The following HLX variants were observed in gnomAD, a reference collection of about 807,000 sequenced individuals.
HLX encodes H2.0-like homeobox protein.
Under a neutral mutation model 27.7 loss-of-function variants are expected in HLX, and 6 were observed. The observed-to-expected ratio is 0.22, with a 90% CI of 0.12 to 0.43. The LOEUF is 0.43. Ranked by LOEUF, HLX falls within the 20% of genes least tolerant of loss-of-function variation. HLX has a pLI of 1.00. For synonymous variants in HLX, 328 were observed against 293.8 expected (o/e 1.12, Z -1.19); for missense variants, 666 against 655.2 (o/e 1.02, Z -0.18).
At chr1:220,881,618 G>C in intron 2 of HLX, 2 of 580,126 alleles carry the variant, frequency 3.4e-6, no homozygotes, top group South Asian at 4.0e-5. Context: ...GGTGGGGTGG[G>C]GGGCTTTCTC....
chr1:220,884,620 G>A lies in HLX; in HGVS notation c.1383G>A (p.Ser461=), dbSNP rs759423699. 16 of 1,609,066 alleles carry A rather than the reference G, an allele frequency of 9.9e-6. No homozygotes were observed. Among genetic ancestry groups the A allele is most frequent in the Admixed American group, 3.3e-5 (2 of 59,722 alleles). ...CASSLGGGGA[S]ELLPATQPTA... ...GCAGCCTTGGCGGCGGCGGCGCCTC[G>A]GAGCTTCTCCCTGCAACACAGCCCA... The change falls in exon 4 of 4, where the codon TCG becomes TCA. Residue 461 remains serine (S), a synonymous_variant. Coordinates refer to ENST00000366903, the MANE Select transcript of HLX (RefSeq NM_021958.4). This position sits in a 1 kb window ranked among gnomAD's most constrained non-coding sequence, Gnocchi z 4.9.
chr1:220,882,074 C>A, intron 2 of HLX, 90 bp from the exon 3 acceptor site: 2 of 1,212,186 alleles, frequency 1.6e-6, no homozygotes, highest in Non-Finnish European at 2.5e-6. Context: ...CAGTTTCAAG[C>A]CTTACGGGGA....
intron 3 of HLX, chr1:220,882,602 G>T (rs970875521): frequency 1.9e-6 from 1 of 520,910 alleles, no homozygotes; most frequent in African/African-American, 1.9e-5. Flanking sequence ...GTTTATTTTG[G>T]CCAACAGGCT....
chr1:220,882,465 C>A, intron 3 of HLX, 117 bp downstream of exon 3: 2 of 901,232 alleles, frequency 2.2e-6, no homozygotes, highest in Non-Finnish European at 3.5e-6. Flanking sequence ...AACGCAAGAT[C>A]TTGACTTTCA....
At position 220,882,197 on chromosome 1, in the gene HLX, C is replaced by G; in HGVS notation, c.806C>G (p.Pro269Arg). ...PYAVLTKDTM[P>R]QTYKRKRSWS... Reference sequence around the variant, plus strand: ...GCTGTGCTCACGAAGGACACCATGCCGCAGACGTACAAAAGGAAGCGTTCA... The same window carrying G: ...GCTGTGCTCACGAAGGACACCATGCGGCAGACGTACAAAAGGAAGCGTTCA... Residue 269 changes from proline to arginine, a missense_variant, in exon 3 of 4, where the codon CCG becomes CGG. Coordinates refer to ENST00000366903, the MANE Select transcript of HLX (RefSeq NM_021958.4). 3 of 1,614,212 alleles carry G rather than the reference C, an allele frequency of 1.9e-6. No homozygotes were observed. The highest frequency in any genetic ancestry group is 2.5e-6 in the Non-Finnish European group (3 of 1,180,042).
rs1674387596 is a variant in HLX, at chr1:220,880,008, C to T, written c.151C>T (p.His51Tyr). ...KPSFCIADIL[H>Y]AGVGDLGAAP... ...CTCCTTCTGCATCGCAGACATTCTG[C>T]ACGCCGGCGTGGGGGATCTGGGGGC... Residue 51 changes from histidine (H) to tyrosine (Y), a missense_variant, in exon 1 of 4, where the codon CAC (histidine) becomes TAC (tyrosine). Transcript: ENST00000366903. The T allele has an allele frequency of 1.3e-6, 2 of 1,596,100 alleles. No individual in the cohort carries two copies. Among genetic ancestry groups the T allele is most frequent in the East Asian group, 4.5e-5 (2 of 44,744 alleles).
intron 1 of HLX, chr1:220,880,702 G>A: frequency 1.7e-6 from 1 of 581,020 alleles, no homozygotes; most frequent in Non-Finnish European, 3.1e-6. Flanking sequence ...AAAGTGGTTG[G>A]TGTAATTATC....
rs536726177 is a variant in HLX at position 220,880,038 on chromosome 1, C to T, written c.181C>T (p.Pro61Ser). The T allele has an allele frequency of 5.7e-6, 9 of 1,592,806 alleles. No homozygotes were observed. Among genetic ancestry groups the T allele is most frequent in the Non-Finnish European group, 7.7e-6 (9 of 1,175,288 alleles). Residue 61 changes from proline to serine, a missense_variant, in exon 1 of 4, where the codon CCG becomes TCG. Physicochemically the swap from Pro to Ser is moderately conservative, Grantham distance 74. Coordinates refer to ENST00000366903, the MANE Select transcript of HLX (RefSeq NM_021958.4). ...CGGCGTGGGGGATCTGGGGGCGGCC[C>T]CGGAGGGCCTGGCAGGGGCCTCGGC... ...HAGVGDLGAA[P>S]EGLAGASAAA...
Position 220,879,824 on chromosome 1 carries a change from G to T in HLX, c.-34G>T. 6.5e-7 allele frequency: 1 copy of T among 1,541,788 alleles called. No individual in the cohort carries two copies. The highest frequency in any genetic ancestry group is 1.2e-5 in the South Asian group (1 of 84,936). On this transcript the variant is annotated 5_prime_UTR_variant, in exon 1 of 4. Coordinates refer to ENST00000366903, the MANE Select transcript of HLX (RefSeq NM_021958.4). ...GCGCGCCCACCCACCCAGTCCGGCT[G>T]GACTGCGGCAGCCGCGCGGCTCACC...
At position 220,884,552 on chromosome 1, in the gene HLX, G is replaced by T. The variant is rs752628182; in HGVS notation, c.1315G>T (p.Ala439Ser). 2 of 1,608,480 alleles carry T rather than the reference G, an allele frequency of 1.2e-6. No individual in the cohort carries two copies. The highest frequency in any genetic ancestry group is 1.7e-4 in the Middle Eastern group (1 of 6,056). ...GGGNSFSFSS[A>S]SSLSSSSTSA... ...CGGCAATAGTTTCAGCTTCAGCAGCGCCAGCAGTCTTAGTAGCAGCAGCAC... is the reference window on the plus strand; with the variant it reads ...CGGCAATAGTTTCAGCTTCAGCAGCTCCAGCAGTCTTAGTAGCAGCAGCAC... Residue 439 changes from alanine to serine, a missense_variant, in exon 4 of 4, where the codon GCC (alanine) becomes TCC (serine). Physicochemically the swap from Ala to Ser is moderately conservative, Grantham distance 99 (BLOSUM62 1). Transcript: ENST00000366903. This position sits in a 1 kb window ranked among gnomAD's most constrained non-coding sequence, Gnocchi z 4.9.
At chr1:220,880,797 T>A (rs1236462849) in intron 1 of HLX, 8 of 403,770 alleles carry the variant, frequency 2.0e-5, no homozygotes, top group Non-Finnish European at 3.5e-5. Context: ...TGGGAAACAC[T>A]TTCGCACTTA....
intron 1 of HLX, 52 bp downstream of exon 1, chr1:220,880,501 G>A (rs758028135): frequency 1.2e-6 from 2 of 1,602,452 alleles, no homozygotes; most frequent in Non-Finnish European, 1.7e-6. Flanking sequence ...CCACTCCCCG[G>A]ACCCCGGGCT....
rs750772961 is a variant in HLX at position 220,880,003 on chromosome 1, T to C, written c.146T>C (p.Ile49Thr). Residue 49 changes from isoleucine to threonine, a missense_variant, in exon 1 of 4, where the codon ATT becomes ACT. By Grantham distance (89) the Ile-to-Thr change is moderately conservative. Coordinates refer to ENST00000366903, the MANE Select transcript of HLX (RefSeq NM_021958.4). ...AAGCCCTCCTTCTGCATCGCAGACA[T>C]TCTGCACGCCGGCGTGGGGGATCTG... ...VKKPSFCIAD[I>T]LHAGVGDLGA... 2.5e-6 allele frequency: 4 copies of C among 1,597,434 alleles called. No homozygotes were observed. The South Asian group carries it at 4.4e-5, about 18-fold the overall frequency.
chr1:220,884,937 C>A lies in HLX; in HGVS notation c.*233C>A. On this transcript the variant is annotated 3_prime_UTR_variant, in exon 4 of 4. Coordinates refer to ENST00000366903, the MANE Select transcript of HLX (RefSeq NM_021958.4). This position sits in a 1 kb window ranked among gnomAD's most constrained non-coding sequence, Gnocchi z 4.9. ...CCAGCCGAACACTTCTCTCCGGAAG[C>A]AGGCTGGTTCGACTGTGAGGTGTTT... The A allele has an allele frequency of 3.1e-6, 2 of 655,394 alleles. No homozygotes were observed. The highest frequency in any genetic ancestry group is 2.5e-6 in the Non-Finnish European group (1 of 394,252). The allele number at this position is 655,394 out of a possible 1,614,324, so 40.6% of individuals were successfully genotyped here.
At position 220,880,059 on chromosome 1, in the gene HLX, T is replaced by C; in HGVS notation, c.202T>C (p.Ser68Pro). ...GGCCCCGGAGGGCCTGGCAGGGGCCTCGGCCGCCGCCCTCACCGCGCACTT... is the reference window on the plus strand; with the variant it reads ...GGCCCCGGAGGGCCTGGCAGGGGCCCCGGCCGCCGCCCTCACCGCGCACTT... Reference protein sequence around the residue: ...GAAPEGLAGASAAALTAHLGS... With the variant: ...GAAPEGLAGAPAAALTAHLGS... Residue 68 changes from serine (S) to proline (P), a missense_variant, in exon 1 of 4, where the codon TCG becomes CCG. Coordinates refer to ENST00000366903, the MANE Select transcript of HLX (RefSeq NM_021958.4). 4 of 1,588,504 alleles carry C rather than the reference T, an allele frequency of 2.5e-6. No individual in the cohort carries two copies. The highest frequency in any genetic ancestry group is 3.4e-6 in the Non-Finnish European group (4 of 1,172,320).
In HLX at chr1:220,880,055, G is replaced by A. The variant is rs1449017622; in HGVS notation, c.198G>A (p.Gly66=). 6.3e-7 allele frequency: 1 copy of A among 1,588,012 alleles called. No individual in the cohort carries two copies. The highest frequency in any genetic ancestry group is 1.3e-5 in the African/African-American group (1 of 74,426). Residue 66 remains glycine, a synonymous_variant, in exon 1 of 4, where the codon GGG becomes GGA. Transcript: ENST00000366903. ...GGGCGGCCCCGGAGGGCCTGGCAGG[G>A]GCCTCGGCCGCCGCCCTCACCGCGC... ...DLGAAPEGLA[G]ASAAALTAHL... is the part of the protein sequence containing the mutation.
At chr1:220,881,641 C>T (rs1185506943) in intron 2 of HLX, 4 of 547,312 alleles carry the variant, frequency 7.3e-6, no homozygotes, top group South Asian at 2.0e-5. Context: ...AGTCTTTTCG[C>T]CCCAGAGGGC....
chr1:220,882,631 C>T (rs1289940927), intron 3 of HLX: 1 of 451,774 alleles, frequency 2.2e-6, no homozygotes, highest in African/African-American at 2.0e-5. Context: ...ACGGAGAAAG[C>T]AAAAGGGCCG....
In HLX at chr1:220,884,701, A is replaced by G. The variant is rs1376714091; in HGVS notation, c.1464A>G (p.Leu488=). 6.2e-7 allele frequency: 1 copy of G among 1,609,114 alleles called. No homozygotes were observed. The highest frequency in any genetic ancestry group is 8.5e-7 in the Non-Finnish European group (1 of 1,179,552). Residue 488 remains leucine (L), a synonymous_variant, in exon 4 of 4, where the codon TTA becomes TTG. Transcript: ENST00000366903. This position sits in a 1 kb window ranked among gnomAD's most constrained non-coding sequence, Gnocchi z 4.9. Reference sequence around the variant, plus strand: ...CAGCCCAAGGCGCGCTTGGCTGCTTATAGACTGTACTAGGGCGGAGGGGAT... The same window carrying G: ...CAGCCCAAGGCGCGCTTGGCTGCTTGTAGACTGTACTAGGGCGGAGGGGAT... ...PEPAQGALGC[L] is the part of the protein sequence containing the mutation.
Sources: gnomAD v4.1 joint callset for allele counts on GRCh38, gnomAD v4.1.1 for gene constraint, Gnocchi (gnomAD v3.1) non-coding constraint, MANE v1.5 for transcripts, NCBI Gene and HGNC (gene_info 2026-07-23, HGNC 2026-07-21) for gene names.